Variants in CTCFL observed in about 807,000 individuals in gnomAD.
CTCFL encodes the protein CCCTC-binding factor like.
A neutral mutation model predicts 67.4 loss-of-function variants in CTCFL; 36 were observed. The observed-to-expected ratio is 0.53, with a 90% confidence interval of 0.41 to 0.71. The LOEUF (loss-of-function observed/expected upper bound fraction) is 0.71. Among genes scored for constraint, CTCFL ranks in the 30% least tolerant of loss-of-function variants. The pLI is 0.00. For synonymous variants in CTCFL, 324 were observed against 302.3 expected, an observed-to-expected ratio of 1.07 and a Z score of -0.75; for missense variants, 786 against 835.2, an observed-to-expected ratio of 0.94 and a Z score of 0.73.
At chr20:57,496,259 G>A (rs1317092330), downstream of CTCFL, 8 of 681,322 alleles carry the variant, frequency 1.2e-5, no homozygotes, top group Admixed American at 1.7e-4. Context: ...TTCACCATGT[G>A]ACGCGCCTAC....
rs139129170 is a variant in CTCFL at position 57,524,129 on chromosome 20, C to T, written c.77G>A (p.Gly26Asp). Residue 26 changes from glycine to aspartate, a missense_variant, in exon 2 of 11, where the codon GGC becomes GAC. Coordinates refer to ENST00000243914, the MANE Select transcript of CTCFL (RefSeq NM_001386993.1). The stretch of plus-strand genomic sequence containing the variant: ...TCCGTCTTTTTCCTCCTCCTTCAGG[C>T]CTTTTTCCGGCATCAACTCGAGTTC... ...IKELELMPEKGLKEEEKDGVC... is the reference protein window; with the variant it reads ...IKELELMPEKDLKEEEKDGVC... 2.2e-5 allele frequency: 35 copies of T among 1,613,568 alleles called. No homozygotes were observed. Among genetic ancestry groups the T allele is most frequent in the Non-Finnish European group, 2.9e-5 (34 of 1,179,984 alleles).
intron 9 of CTCFL, chr20:57,507,558 C>CA: frequency 1.4e-6 from 1 of 702,682 alleles, no homozygotes; most frequent in South Asian, 1.5e-5. Context: ...TGCACTCTCT[C>CA]ACTTGCTCTG....
chr20:57,520,405 T>C (rs2069264827), intron 3 of CTCFL, among the ~76,000 whole-genome samples: 1 of 151,930 alleles, frequency 6.6e-6, no homozygotes, highest in South Asian at 2.1e-4. Flanking sequence ...TATAGCTGAG[T>C]TGTTATTCTC....
chr20:57,504,248 T>C (rs1471597190), intron 9 of CTCFL, among the ~76,000 whole-genome samples: 4 of 148,572 alleles, frequency 2.7e-5, no homozygotes, highest in Admixed American at 6.7e-5. Context: ...AGTGCTGGGA[T>C]TACAGGCATG....
intron 7 of CTCFL, 131 bp from the exon 8 acceptor site, chr20:57,512,883 G>A (rs1400222916): frequency 6.3e-6 from 5 of 796,470 alleles, no homozygotes; most frequent in Non-Finnish European, 1.0e-5. Flanking sequence ...GCAGGGCAGG[G>A]TGGGCTATCC....
At position 57,505,787 on chromosome 20, in the gene CTCFL, C is replaced by T. The variant is rs147420194; in HGVS notation, c.1675-2186G>A. The stretch of plus-strand genomic sequence containing the variant: ...AAGACTTCCCCTAGTCAAGCCTACT[C>T]GTGACATAGTCTCATCTAACAAACA... On this transcript the variant is annotated intron_variant, in intron 9 of 10. Coordinates refer to ENST00000243914, the MANE Select transcript of CTCFL (RefSeq NM_001386993.1). Among the ~76,000 whole-genome samples, 1,000 of 152,278 alleles carry T rather than the reference C, an allele frequency of 6.6e-3. 10 individuals are homozygous for T. The highest frequency in any genetic ancestry group is 0.023 in the African/African-American group (957 of 41,548).
At chr20:57,524,736 T>C in intron 1 of CTCFL, 1 of 991,334 alleles carries the variant, frequency 1.0e-6, no homozygotes, top group Non-Finnish European at 1.2e-6. Context: ...TGCACGGTTC[T>C]AGACCTAGCA....
rs1415427244 is a variant in CTCFL, at chr20:57,514,557, T to C, written c.1330+35A>G. On this transcript the variant is annotated intron_variant, in intron 7 of 10. Coordinates refer to ENST00000243914, the MANE Select transcript of CTCFL (RefSeq NM_001386993.1). The stretch of plus-strand genomic sequence containing the variant: ...GACCACGCTCCAAAGAGCCAGCAAA[T>C]GCTGTAGTAAAAGAAAGATCGCTAA... 6 of 1,610,422 alleles carry C rather than the reference T, an allele frequency of 3.7e-6. No homozygotes were observed. In the Admixed American group the frequency reaches 6.7e-5, roughly 18 times the overall value.
chr20:57,499,681 C>T (rs184860475), intron 10 of CTCFL: 156 of 196,088 alleles, frequency 8.0e-4, no homozygotes, highest in South Asian at 1.3e-3. Flanking sequence ...TCTAGACAGT[C>T]CCATCTGGGG....
At position 57,498,505 on chromosome 20, in the gene CTCFL, T is replaced by C; in HGVS notation, c.*45A>G. On this transcript the variant is annotated 3_prime_UTR_variant, in exon 11 of 11. Coordinates refer to ENST00000243914, the MANE Select transcript of CTCFL (RefSeq NM_001386993.1). ...ACCTTAAATGCTAAAAACTTCTAAC[T>C]TGCTTTAGGAATTGGGGGCAGTGAA... 1 of 1,585,554 alleles carries C rather than the reference T, an allele frequency of 6.3e-7. No homozygotes were observed. The highest frequency in any genetic ancestry group is 8.6e-7 in the Non-Finnish European group (1 of 1,163,014).
intron 10 of CTCFL, chr20:57,499,956 T>G: frequency 1.0e-6 from 1 of 986,186 alleles, no homozygotes; most frequent in South Asian, 4.7e-5. Context: ...GGCTGGGGGG[T>G]TGGGGAGCCC....
intron 10 of CTCFL, among the ~76,000 whole-genome samples, chr20:57,498,942 C>T (rs546619396): frequency 3.9e-5 from 6 of 152,026 alleles, no homozygotes; most frequent in Non-Finnish European, 5.9e-5. Flanking sequence ...GGGGGCAGGG[C>T]GCTGTTCTGG....
chr20:57,505,667 T>C (rs2068168165), intron 9 of CTCFL, among the ~76,000 whole-genome samples: 1 of 152,156 alleles, frequency 6.6e-6, no homozygotes, highest in Non-Finnish European at 1.5e-5. Context: ...ACCATAAAGA[T>C]TTTACTTTTC....
At chr20:57,502,862 T>G (rs2067990102) in intron 10 of CTCFL, among the ~76,000 whole-genome samples, 1 of 152,174 alleles carries the variant, frequency 6.6e-6, no homozygotes, top group African/African-American at 2.4e-5. Context: ...CAAAAGAAGT[T>G]CTAAATCCTA....
intron 9 of CTCFL, 78 bp downstream of exon 9, chr20:57,508,528 C>T: frequency 7.1e-7 from 1 of 1,409,204 alleles, no homozygotes; most frequent in South Asian, 1.3e-5. Flanking sequence ...CGGGTTTAAA[C>T]TCTCCTGGTG....
chr20:57,498,402 C>T lies in CTCFL; in HGVS notation c.*148G>A. Reference sequence around the variant, plus strand: ...CAAAGAAAATGCTAAAAATTTCTAACTTGCTTTAGGAATTAGGGGCAGTGA... The same window carrying T: ...CAAAGAAAATGCTAAAAATTTCTAATTTGCTTTAGGAATTAGGGGCAGTGA... On this transcript the variant is annotated 3_prime_UTR_variant, in exon 11 of 11. Transcript: ENST00000243914. 1 of 1,418,728 alleles carries T rather than the reference C, an allele frequency of 7.0e-7. No individual in the cohort carries two copies. Among genetic ancestry groups the T allele is most frequent in the East Asian group, 2.5e-5 (1 of 39,942 alleles). 87.9% of individuals were successfully genotyped at this position (1,418,728 alleles called of 1,614,324 possible). A position where few individuals can be genotyped will look rare whatever the true frequency, so the allele number is the denominator to read the frequency against.
At chr20:57,512,462 G>A in intron 8 of CTCFL, 130 bp downstream of exon 8, 1 of 875,798 alleles carries the variant, frequency 1.1e-6, no homozygotes, top group East Asian at 2.6e-5. Flanking sequence ...GTTGCTTTCT[G>A]GTTATTCTGA....
Position 57,514,578 on chromosome 20 carries a change from G to T in CTCFL, c.1330+14C>A. On this transcript the variant is annotated intron_variant, in intron 7 of 10. Transcript: ENST00000243914. ...CAAATGCTGTAGTAAAAGAAAGATC[G>T]CTAAACCACTCACGTAGGTCGCTTT... The T allele has an allele frequency of 6.2e-7, 1 of 1,613,584 alleles. No homozygotes were observed. The highest frequency in any genetic ancestry group is 1.3e-5 in the African/African-American group (1 of 75,046).
intron 4 of CTCFL, 90 bp from the exon 5 acceptor site, chr20:57,518,981 A>C: frequency 1.4e-6 from 2 of 1,443,476 alleles, no homozygotes. Context: ...ACTCAGTCTC[A>C]AAAATGCTTT....
Sources: allele counts gnomAD v4.1 joint callset (sites outside exome capture counted in the v4.1 genomes callset), GRCh38; gene constraint gnomAD v4.1.1; transcripts MANE v1.5; gene names NCBI Gene and HGNC (gene_info 2026-07-23, HGNC 2026-07-21).